UNKL: variants seen among roughly 807,000 people sequenced by gnomAD.
UNKL encodes the protein unk like zinc finger.
Under a neutral mutation model 78.0 loss-of-function variants are expected in UNKL, and 60 were observed. The observed-to-expected ratio is 0.77, with a 90% CI of 0.63 to 0.95. The LOEUF (loss-of-function observed/expected upper bound fraction) is 0.95, where lower values mean the gene tolerates loss of function less well. Among genes scored for constraint, UNKL ranks in the 40% least tolerant of loss-of-function variants. The pLI, the probability that UNKL is intolerant of heterozygous loss-of-function variation, is 0.00. For synonymous variants in UNKL, 608 were observed against 474.8 expected (o/e 1.28, Z -3.65); for missense variants, 1,159 against 1,045.7 (o/e 1.11, Z -1.49).
At chr16:1,394,485 T>C (rs1426589633) in intron 6 of UNKL, 5 of 634,174 alleles carry the variant, frequency 7.9e-6, no homozygotes, top group Non-Finnish European at 1.5e-5. Context: ...ATTTCCCCGC[T>C]TGATATTTTC....
intron 5 of UNKL, chr16:1,398,679 G>GCGCCCCCCCCCCC: frequency 2.2e-6 from 3 of 1,356,358 alleles, no homozygotes; most frequent in African/African-American, 1.5e-5. Context: ...TGTGGGGTCT[G>GCGCCCCCCCCCCC]CACCCCCCCA....
At chr16:1,381,444 A>G (rs938026660) in intron 10 of UNKL, among the ~76,000 whole-genome samples, 3 of 152,018 alleles carry the variant, frequency 2.0e-5, no homozygotes, top group Admixed American at 6.6e-5. Flanking sequence ...ACATGGCAAA[A>G]CCCCGTCTCT....
intron 12 of UNKL, among the ~76,000 whole-genome samples, chr16:1,368,858 T>G (rs945629155): frequency 5.9e-5 from 9 of 152,010 alleles, no homozygotes; most frequent in Non-Finnish European, 7.4e-5. Context: ...CCAAGATTGC[T>G]GGAGCCTGGA....
At chr16:1,400,670 C>T (rs1648759191) in intron 4 of UNKL, among the ~76,000 whole-genome samples, 1 of 151,814 alleles carries the variant, frequency 6.6e-6, no homozygotes, top group African/African-American at 2.4e-5. Context: ...AAAAATGGTG[C>T]ATTTTATGTT....
chr16:1,401,445 C>T lies in UNKL; in HGVS notation c.598+123G>A, dbSNP rs191821495. 4.8e-5 allele frequency: 61 copies of T among 1,259,038 alleles called. No homozygotes were observed. The Admixed American group carries it at 1.1e-3, about 22-fold the overall frequency. 78.0% of individuals were successfully genotyped at this position (1,259,038 alleles called of 1,614,324 possible). ...GCTTGGTATTGGACTCCACGAGCCT[C>T]GGTTTCCCCATCTGATCACCTTGCA... On this transcript the variant is annotated intron_variant, in intron 4 of 14. Transcript: ENST00000389221.
chr16:1,405,117 C>A (rs1219081638), intron 2 of UNKL, among the ~76,000 whole-genome samples: 1 of 150,126 alleles, frequency 6.7e-6, no homozygotes, highest in African/African-American at 2.5e-5. Flanking sequence ...TCGCTTAAAG[C>A]CCAAAAGGCC....
intron 6 of UNKL, chr16:1,396,901 T>A (rs958624392): frequency 4.4e-6 from 2 of 458,732 alleles, no homozygotes; most frequent in African/African-American, 4.0e-5. Flanking sequence ...TGTATGTTTT[T>A]AATTGACATT....
Position 1,399,370 on chromosome 16 carries a change from T to G in UNKL, c.734+4A>C. On this transcript the variant is annotated splice_donor_region_variant and intron_variant, in intron 5 of 14. Coordinates refer to ENST00000389221, the MANE Select transcript of UNKL (RefSeq NM_001372107.1). The surrounding 1 kb of genome is among the most constrained non-coding windows in gnomAD (Gnocchi z 5.8). ...GTCCTCTGAGCACGGTCCCGCAGGC[T>G]CACCTGTACTGGAACCGCCGGGGGT... 6.3e-7 allele frequency: 1 copy of G among 1,582,978 alleles called. No homozygotes were observed. The highest frequency in any genetic ancestry group is 8.6e-7 in the Non-Finnish European group (1 of 1,162,198).
chr16:1,389,214 C>G (rs1010593911), intron 9 of UNKL, among the ~76,000 whole-genome samples: 5 of 152,136 alleles, frequency 3.3e-5, no homozygotes, highest in African/African-American at 1.2e-4. Context: ...CGTGTCCCCC[C>G]CAAATTCCTA....
chr16:1,411,724 C>T (rs905447964), intron 2 of UNKL, among the ~76,000 whole-genome samples: 2 of 152,104 alleles, frequency 1.3e-5, no homozygotes, highest in Non-Finnish European at 2.9e-5. Flanking sequence ...ACTCGGGAGG[C>T]TGAGGCAGGA....
chr16:1,367,118 G>C lies in UNKL; in HGVS notation c.2020C>G (p.Arg674Gly). 1 of 1,585,424 alleles carries C rather than the reference G, an allele frequency of 6.3e-7. No homozygotes were observed. Residue 674 changes from arginine to glycine, a missense_variant, in exon 14 of 15, where the codon CGC (arginine) becomes GGC (glycine). Physicochemically the swap from Arg to Gly is moderately radical, Grantham distance 125. Transcript: ENST00000389221. Reference protein sequence around the residue: ...PKLHSLQSQLRLDLEAVDGVI... With the variant: ...PKLHSLQSQLGLDLEAVDGVI... ...CCGTCCACCGCCTCCAGGTCCAGGC[G>C]CAGCTGACTCTGCAGCGAGTGCAGC...
At chr16:1,402,253 T>C (rs1258911317) in intron 3 of UNKL, among the ~76,000 whole-genome samples, 1 of 76,858 alleles carries the variant, frequency 1.3e-5, no homozygotes, top group Non-Finnish European at 2.7e-5. Flanking sequence ...GACTGTGTGC[T>C]GAGTTCGTTC....
chr16:1,403,042 G>A lies in UNKL; in HGVS notation c.464+126C>T, dbSNP rs4984830. 0.89 allele frequency: 1,057,673 copies of A among 1,183,784 alleles called. 473,307 individuals are homozygous for A. Among genetic ancestry groups the A allele is most frequent in the East Asian group, 1 (38,005 of 38,012 alleles). 73.3% of individuals were successfully genotyped at this position (1,183,784 alleles called of 1,614,324 possible). On this transcript the variant is annotated intron_variant, in intron 3 of 14. Transcript: ENST00000389221. The surrounding 1 kb of genome is among the most constrained non-coding windows in gnomAD (Gnocchi z 4.8). ...TCCAGACTCAGAAAGAAATTCTGGA[G>A]GAGAGAGATTTGGGCCAGCAGAGCC... is the stretch of plus-strand genomic sequence containing the variant.
chr16:1,401,828 G>T (rs901637712), intron 3 of UNKL, 127 bp from the exon 4 acceptor site: 2 of 1,327,912 alleles, frequency 1.5e-6, no homozygotes, highest in East Asian at 2.5e-5. Context: ...GGTTCAGGAC[G>T]GAGTCTCAGT....
intron 12 of UNKL, chr16:1,369,897 C>T (rs1258011756): frequency 2.0e-6 from 3 of 1,516,192 alleles, no homozygotes; most frequent in Non-Finnish European, 2.7e-6. Context: ...ATTGCTTGAA[C>T]CTGGGAGGCG....
Position 1,397,232 on chromosome 16 carries a change from G to C in UNKL, c.798C>G (p.Gly266=), listed in dbSNP as rs777068521. 1 of 1,544,230 alleles carries C rather than the reference G, an allele frequency of 6.5e-7. No individual in the cohort carries two copies. Among genetic ancestry groups the C allele is most frequent in the Non-Finnish European group, 8.7e-7 (1 of 1,146,812 alleles). ...AGTGGCAATACTGGCAGCCGTCGCC[G>C]CCATCGCAGCGTGAGGGTTCCCCCC... ...DEWGEPSRCD[G]GDGCQYCHSR... is the part of the protein sequence containing the mutation. Residue 266 remains glycine (G), a synonymous_variant, in exon 6 of 15, where the codon GGC becomes GGG. Coordinates refer to ENST00000389221, the MANE Select transcript of UNKL (RefSeq NM_001372107.1).
chr16:1,372,206 G>C (rs1455997121), intron 10 of UNKL, among the ~76,000 whole-genome samples: 4 of 152,168 alleles, frequency 2.6e-5, no homozygotes, highest in Non-Finnish European at 5.9e-5. Context: ...GGAGCTTGCA[G>C]TGAGCCGAGA....
rs1319561020 is a variant in UNKL at position 1,403,273 on chromosome 16, G to T, written c.359C>A (p.Thr120Asn). 1 of 1,614,236 alleles carries T rather than the reference G, an allele frequency of 6.2e-7. No individual in the cohort carries two copies. The highest frequency in any genetic ancestry group is 8.5e-7 in the Non-Finnish European group (1 of 1,180,048). Residue 120 changes from threonine (T) to asparagine (N), a missense_variant, in exon 3 of 15, where the codon ACC (threonine) becomes AAC (asparagine). Physicochemically the swap from Thr to Asn is moderately conservative, Grantham distance 65. Transcript: ENST00000389221. This position sits in a 1 kb window ranked among gnomAD's most constrained non-coding sequence, Gnocchi z 4.8. ...KYHLRYYKTG[T>N]CIHETDARGH... ...ACGTGCGTCTGTCTCGTGGATGCAGGTTCCTGTTTTGTAGTAACGCAGGTG... is the reference window on the plus strand; with the variant it reads ...ACGTGCGTCTGTCTCGTGGATGCAGTTTCCTGTTTTGTAGTAACGCAGGTG...
intron 11 of UNKL, among the ~76,000 whole-genome samples, chr16:1,371,122 T>C (rs2035796716): frequency 6.6e-6 from 1 of 150,636 alleles, no homozygotes; most frequent in Non-Finnish European, 1.5e-5. Context: ...TGTATGGATG[T>C]CAATCTTTTG....
Sources: gnomAD v4.1 joint callset for allele counts (sites outside exome capture counted in the v4.1 genomes callset) on GRCh38, gnomAD v4.1.1 for gene constraint, Gnocchi (gnomAD v3.1) non-coding constraint, MANE v1.5 for transcripts, NCBI Gene and HGNC (gene_info 2026-07-23, HGNC 2026-07-21) for gene names.